CSMD3: variants seen among roughly 807,000 people sequenced by gnomAD.
CSMD3 encodes CUB and sushi domain-containing protein 3.
In CSMD3, 177 loss-of-function variants were observed where a neutral mutation model predicts 435.2. The ratio of observed to expected loss-of-function variants is 0.41; its 90% CI spans 0.36 to 0.46. CSMD3 has a LOEUF of 0.46. CSMD3 is among the 20% of genes least tolerant of loss of function. The probability of loss-of-function intolerance (pLI) is 0.34; values close to 1 mark genes in which losing one functional copy is unlikely to be tolerated. For missense variants in CSMD3, 4,265 were observed against 4,504.6 expected, an observed-to-expected ratio of 0.95 and a Z score of 1.52; for synonymous variants, 1,656 against 1,520.5, an observed-to-expected ratio of 1.09 and a Z score of -2.07.
Position 112,520,083 on chromosome 8 carries a change from T to C in CSMD3, c.4565-2858A>G, listed in dbSNP as rs1443584995. ...ATTTCTTTAAAAATATTTGCACCGA[T>C]GTCAACATTAAAGCCTTATTAAATA... On this transcript the variant is annotated intron_variant, in intron 27 of 70. Transcript: ENST00000297405. Among the ~76,000 whole-genome samples the C allele has an allele frequency of 3.3e-5, 5 of 152,206 alleles. No individual in the cohort carries two copies. In the South Asian group the frequency reaches 8.3e-4, roughly 25 times the overall value.
chr8:113,103,280 T>C (rs1046258596), intron 4 of CSMD3, among the ~76,000 whole-genome samples: 3 of 152,120 alleles, frequency 2.0e-5, no homozygotes, highest in African/African-American at 4.8e-5. Flanking sequence ...ATACAGATAA[T>C]ACAGTGAGTA....
intron 13 of CSMD3, among the ~76,000 whole-genome samples, chr8:112,762,498 A>G (rs1023131206): frequency 2.0e-5 from 3 of 151,960 alleles, no homozygotes; most frequent in Non-Finnish European, 4.4e-5. Flanking sequence ...ATTTAATTAA[A>G]TTGCCAGATT....
At chr8:113,153,272 G>A (rs910208036) in intron 4 of CSMD3, among the ~76,000 whole-genome samples, 9 of 150,854 alleles carry the variant, frequency 6.0e-5, no homozygotes, top group Non-Finnish European at 1.3e-4. Flanking sequence ...AAGGAAGGAA[G>A]GGAATTTGTC....
chr8:112,881,097 C>T (rs575373454), intron 10 of CSMD3, among the ~76,000 whole-genome samples: 12 of 152,136 alleles, frequency 7.9e-5, no homozygotes, highest in African/African-American at 2.9e-4. Context: ...ATGATGCACT[C>T]AACTCTATGA....
Position 113,249,714 on chromosome 8 carries a change from A to AT in CSMD3, c.514+28877_514+28878insA, listed in dbSNP as rs1588368748. 2.0e-5 allele frequency among the ~76,000 whole-genome samples: 3 copies of AT among 152,184 alleles called. No homozygotes were observed. In the East Asian group the frequency reaches 5.8e-4, roughly 29 times the overall value. ...CTGAGTGAATTCTCTGAGCTCCCAA[A>AT]ACTGTTACATTGTTACATTATTTTC... On this transcript the variant is annotated intron_variant, in intron 3 of 70. Transcript: ENST00000297405.
At position 112,688,069 on chromosome 8, in the gene CSMD3, A is replaced by C. The variant is rs536142970; in HGVS notation, c.2155+1799T>G. ...CTCCTTTGCAACTATTTAATTCTGC[A>C]ATTGTAGCTGGAAGGCAGCCATGCA... On this transcript the variant is annotated intron_variant, in intron 14 of 70. Transcript: ENST00000297405. 9.9e-5 allele frequency among the ~76,000 whole-genome samples: 15 copies of C among 152,282 alleles called. No individual in the cohort carries two copies. In the South Asian group the frequency reaches 2.7e-3, roughly 27 times the overall value.
chr8:112,498,479 C>T (rs1343142758), intron 30 of CSMD3, among the ~76,000 whole-genome samples: 1 of 152,068 alleles, frequency 6.6e-6, no homozygotes, highest in South Asian at 2.1e-4. Context: ...AATTGCTTAA[C>T]TACTAGGCTT....
At chr8:112,976,602 G>T (rs1479894457) in intron 6 of CSMD3, among the ~76,000 whole-genome samples, 1 of 151,654 alleles carries the variant, frequency 6.6e-6, no homozygotes, top group Non-Finnish European at 1.5e-5. Context: ...TCTATTTTAA[G>T]ACAAGCAAGT....
chr8:112,631,105 C>A (rs1359686334), intron 22 of CSMD3, among the ~76,000 whole-genome samples: 1 of 151,988 alleles, frequency 6.6e-6, no homozygotes, highest in Non-Finnish European at 1.5e-5. Flanking sequence ...ATCCTTTCTT[C>A]TTTCCCTAAA....
At chr8:112,730,158 T>C (rs2077045367) in intron 13 of CSMD3, among the ~76,000 whole-genome samples, 1 of 152,150 alleles carries the variant, frequency 6.6e-6, no homozygotes, top group South Asian at 2.1e-4. Context: ...TTAATTATAA[T>C]GAAAGACTAA....
chr8:112,739,203 T>A (rs1483128545), intron 13 of CSMD3, among the ~76,000 whole-genome samples: 1 of 151,772 alleles, frequency 6.6e-6, no homozygotes, highest in Non-Finnish European at 1.5e-5. Flanking sequence ...AAACCCACTC[T>A]TTGAAATTCT....
chr8:112,975,637 C>G (rs1262358950), intron 7 of CSMD3, among the ~76,000 whole-genome samples, 200 bp downstream of exon 7: 1 of 152,002 alleles, frequency 6.6e-6, no homozygotes, highest in African/African-American at 2.4e-5. Flanking sequence ...TGCACTTTGA[C>G]TTATTTTTAA....
chr8:112,805,881 T>C lies in CSMD3; in HGVS notation c.1860-5607A>G, dbSNP rs975067846. On this transcript the variant is annotated intron_variant, in intron 12 of 70. Transcript: ENST00000297405. Reference sequence around the variant, plus strand: ...AAGAAATTTGTCCCAGTGGGGGATCTGTAAGTCATCAGCATGTTGATGGTT... The same window carrying C: ...AAGAAATTTGTCCCAGTGGGGGATCCGTAAGTCATCAGCATGTTGATGGTT... Among the ~76,000 whole-genome samples, 3 of 152,178 alleles carry C rather than the reference T, an allele frequency of 2.0e-5. No individual in the cohort carries two copies. In the East Asian group the frequency reaches 5.8e-4, roughly 29 times the overall value.
chr8:112,654,873 C>G (rs548951217), intron 18 of CSMD3, among the ~76,000 whole-genome samples: 1 of 152,250 alleles, frequency 6.6e-6, no homozygotes, highest in East Asian at 1.9e-4. Flanking sequence ...CAATTAATTA[C>G]TAGTGAGAAT....
chr8:112,904,356 C>T (rs1452284715), intron 10 of CSMD3, among the ~76,000 whole-genome samples: 1 of 151,418 alleles, frequency 6.6e-6, no homozygotes, highest in Non-Finnish European at 1.5e-5. Context: ...ACAGTGTATA[C>T]TTACTTTAAA....
intron 32 of CSMD3, among the ~76,000 whole-genome samples, chr8:112,411,243 T>C (rs1811309418): frequency 6.6e-6 from 1 of 151,600 alleles, no homozygotes; most frequent in Admixed American, 6.6e-5. Context: ...AATGCAGCCA[T>C]TAACCCCACA....
intron 2 of CSMD3, 136 bp from the exon 3 acceptor site, chr8:113,278,840 C>T: frequency 1.6e-6 from 1 of 613,358 alleles, no homozygotes; most frequent in South Asian, 1.7e-5. Context: ...GCTATCCAGC[C>T]AACACCTTGA....
chr8:113,336,537 G>C (rs980765673), intron 1 of CSMD3, among the ~76,000 whole-genome samples: 3 of 152,094 alleles, frequency 2.0e-5, no homozygotes, highest in Non-Finnish European at 2.9e-5. Context: ...AGGAACTCTG[G>C]ATTGTATTAC....
chr8:112,881,324 A>G (rs1441862742), intron 10 of CSMD3, among the ~76,000 whole-genome samples: 3 of 152,044 alleles, frequency 2.0e-5, no homozygotes, highest in African/African-American at 7.2e-5. Flanking sequence ...TAAACGAATT[A>G]AAGGCTCATT....
Sources: allele counts gnomAD v4.1 joint callset (sites outside exome capture counted in the v4.1 genomes callset), GRCh38; gene constraint gnomAD v4.1.1; transcripts MANE v1.5; gene names NCBI Gene and HGNC (gene_info 2026-07-23, HGNC 2026-07-21).